Variants in ASTN2 observed in about 807,000 individuals in gnomAD.
The protein encoded by ASTN2 is astrotactin 2, also known as astrotactin-2.
In ASTN2, 54 loss-of-function variants were observed where a neutral mutation model predicts 139.8. The ratio of observed to expected loss-of-function variants is 0.39; its 90% CI spans 0.31 to 0.48. The LOEUF (loss-of-function observed/expected upper bound fraction) is 0.48, where lower values mean the gene tolerates loss of function less well. Ranked by LOEUF, ASTN2 falls within the 20% of genes least tolerant of loss-of-function variation. The probability of loss-of-function intolerance (pLI) is 0.95; values close to 1 mark genes in which losing one functional copy is unlikely to be tolerated. For synonymous variants in ASTN2, 756 were observed against 719.5 expected (o/e 1.05, Z -0.81); for missense variants, 1,565 against 1,725.1 (o/e 0.91, Z 1.64).
chr9:116,739,596 C>T (rs1829044709), intron 13 of ASTN2, among the ~76,000 whole-genome samples: 1 of 152,218 alleles, frequency 6.6e-6, no homozygotes, highest in African/African-American at 2.4e-5. Flanking sequence ...TCTTCCATTA[C>T]ACACCCTTAT....
In ASTN2 at chr9:116,863,592, C is replaced by T. The variant is rs201692152; in HGVS notation, c.2031G>A (p.Ser677=). ...KCVSDRQVDS[S]GCVCPEELKP... is the part of the protein sequence containing the mutation. The stretch of plus-strand genomic sequence containing the variant: ...GCCAATGGGCACTTACCACACATCC[C>T]GAGGAATCCACCTGCCGGTCAGACA... The change falls in exon 11 of 23, where the codon TCG becomes TCA. Residue 677 remains serine (S), a synonymous_variant. Transcript: ENST00000313400. 4.6e-5 allele frequency: 75 copies of T among 1,613,930 alleles called. No individual in the cohort carries two copies. The highest frequency in any genetic ancestry group is 2.7e-4 in the Admixed American group (16 of 60,002).
At chr9:117,365,723 C>T (rs1452748769) in intron 1 of ASTN2, among the ~76,000 whole-genome samples, 3 of 152,166 alleles carry the variant, frequency 2.0e-5, no homozygotes, top group Non-Finnish European at 4.4e-5. Context: ...ACAGTTTGGC[C>T]AACAGATCCT....
chr9:117,335,456 T>C (rs1323452073), intron 1 of ASTN2, among the ~76,000 whole-genome samples: 1 of 152,198 alleles, frequency 6.6e-6, no homozygotes, highest in East Asian at 1.9e-4. Context: ...CAGTGTAGTT[T>C]TACCTGGAAC....
chr9:117,018,493 C>T (rs1224421437), intron 6 of ASTN2, among the ~76,000 whole-genome samples: 1 of 152,130 alleles, frequency 6.6e-6, no homozygotes, highest in Non-Finnish European at 1.5e-5. Context: ...GGCATAGGCA[C>T]CTGCCTGCTT....
intron 2 of ASTN2, among the ~76,000 whole-genome samples, chr9:117,290,577 C>A (rs1159469084): frequency 1.3e-5 from 2 of 152,144 alleles, no homozygotes; most frequent in African/African-American, 4.8e-5. Flanking sequence ...TTGGCAAGAG[C>A]ACAATGAGAT....
intron 10 of ASTN2, among the ~76,000 whole-genome samples, chr9:116,913,424 G>A (rs1203599177): frequency 1.3e-5 from 2 of 152,106 alleles, no homozygotes; most frequent in Non-Finnish European, 2.9e-5. Flanking sequence ...TCATCACCTT[G>A]GCTTGAGCCA....
intron 11 of ASTN2, among the ~76,000 whole-genome samples, chr9:116,863,013 A>G (rs954062791): frequency 3.9e-5 from 6 of 152,230 alleles, no homozygotes; most frequent in African/African-American, 1.2e-4. Context: ...GTCCCACGCT[A>G]GATACTAAAA....
intron 1 of ASTN2, among the ~76,000 whole-genome samples, chr9:117,317,958 G>A (rs975421731): frequency 6.6e-6 from 1 of 152,212 alleles, no homozygotes; most frequent in Non-Finnish European, 1.5e-5. Context: ...CAGAGGAGCT[G>A]GGAACTCAGC....
chr9:116,433,168 T>C (rs942325439), intron 22 of ASTN2, among the ~76,000 whole-genome samples: 1 of 152,226 alleles, frequency 6.6e-6, no homozygotes, highest in Non-Finnish European at 1.5e-5. Context: ...AAAGAAACTG[T>C]AAGAAATCTA....
At chr9:116,437,980 C>A (rs552332789) in intron 22 of ASTN2, among the ~76,000 whole-genome samples, 1 of 152,220 alleles carries the variant, frequency 6.6e-6, no homozygotes, top group African/African-American at 2.4e-5. Context: ...CAAGGCAGAA[C>A]TGGCCTCCAT....
chr9:117,266,118 G>C (rs1254087273), intron 2 of ASTN2, among the ~76,000 whole-genome samples: 1 of 152,122 alleles, frequency 6.6e-6, no homozygotes, highest in Non-Finnish European at 1.5e-5. Context: ...CCTCATCCTT[G>C]AGCTTCAAAT....
intron 5 of ASTN2, among the ~76,000 whole-genome samples, chr9:117,091,783 C>T (rs1186209123): frequency 2.0e-5 from 3 of 151,970 alleles, no homozygotes; most frequent in South Asian, 4.2e-4. Flanking sequence ...CCATTTCATC[C>T]TGAAAACAAA....
chr9:117,309,695 C>A (rs949690649), intron 1 of ASTN2, among the ~76,000 whole-genome samples: 3 of 152,166 alleles, frequency 2.0e-5, no homozygotes, highest in Admixed American at 6.5e-5. Context: ...AAAAGTGGGG[C>A]AGCCCTCCTA....
At chr9:116,495,773 C>G (rs1173260668) in intron 19 of ASTN2, among the ~76,000 whole-genome samples, 3 of 152,124 alleles carry the variant, frequency 2.0e-5, no homozygotes, top group Non-Finnish European at 2.9e-5. Flanking sequence ...AAAACCCGAG[C>G]CTTTCCTATC....
chr9:116,700,432 G>A (rs1353069489), intron 16 of ASTN2: 1 of 167,090 alleles, frequency 6.0e-6, no homozygotes, highest in African/African-American at 2.4e-5. Context: ...AGCATATATG[G>A]GTTGGAATTA....
chr9:116,888,920 C>T (rs950225576), intron 10 of ASTN2, among the ~76,000 whole-genome samples: 1 of 152,176 alleles, frequency 6.6e-6, no homozygotes, highest in Non-Finnish European at 1.5e-5. Flanking sequence ...CATTGTTCAG[C>T]TCCCACTTAT....
intron 2 of ASTN2, among the ~76,000 whole-genome samples, chr9:117,289,239 A>C (rs1382027937): frequency 6.6e-6 from 1 of 152,160 alleles, no homozygotes; most frequent in African/African-American, 2.4e-5. Flanking sequence ...ACTTTGGACC[A>C]CACGGTGGTA....
At chr9:117,041,406 A>G (rs1161590246) in intron 5 of ASTN2, among the ~76,000 whole-genome samples, 1 of 152,112 alleles carries the variant, frequency 6.6e-6, no homozygotes. Flanking sequence ...CCCCCTCCTG[A>G]GATCCTCAGC....
chr9:116,728,969 G>T, intron 15 of ASTN2, 23 bp downstream of exon 15: 1 of 1,559,166 alleles, frequency 6.4e-7, no homozygotes, highest in Non-Finnish European at 8.7e-7. Flanking sequence ...AAGTCCCCTG[G>T]CTGCCCAGGC....
Sources: gnomAD v4.1 joint callset for allele counts (sites outside exome capture counted in the v4.1 genomes callset) on GRCh38, gnomAD v4.1.1 for gene constraint, MANE v1.5 for transcripts, NCBI Gene and HGNC (gene_info 2026-07-23, HGNC 2026-07-21) for gene names.